The following ZNF131 variants were observed in gnomAD, a reference collection of about 807,000 sequenced individuals.
ZNF131 encodes zinc finger and BTB domain containing 35, also known as zinc finger protein 131.
In ZNF131, 7 loss-of-function variants were observed where a neutral mutation model predicts 60.0. The ratio of observed to expected loss-of-function variants is 0.12; its 90% CI spans 0.07 to 0.22. The LOEUF is 0.22. Among genes scored for constraint, ZNF131 ranks in the 10% least tolerant of loss-of-function variants. ZNF131 has a pLI of 1.00. For synonymous variants in ZNF131, 257 were observed against 253.2 expected (o/e 1.01, Z -0.14); for missense variants, 493 against 740.9 (o/e 0.67, Z 3.88).
At chr5:43,124,901 A>G (rs905471612) in intron 3 of ZNF131, 6 of 152,034 alleles carry the variant, frequency 3.9e-5, no homozygotes, top group African/African-American at 1.4e-4. Flanking sequence ...CTGATGGCAC[A>G]TGCCTGTGGT....
At chr5:43,167,053 T>A (rs1198467189) in intron 5 of ZNF131, among the ~76,000 whole-genome samples, 2 of 152,054 alleles carry the variant, frequency 1.3e-5, no homozygotes, top group Non-Finnish European at 2.9e-5. Flanking sequence ...ATAGAGAGAC[T>A]AGAGGAGAGA....
Position 43,161,270 on chromosome 5 carries a change from C to T in ZNF131, c.393C>T (p.Pro131=). The T allele has an allele frequency of 1.2e-6, 2 of 1,610,244 alleles. No homozygotes were observed. Among genetic ancestry groups the T allele is most frequent in the South Asian group, 2.2e-5 (2 of 90,020 alleles). The change falls in exon 5 of 7, where the codon CCC becomes CCT. Residue 131 remains proline, a synonymous_variant. Coordinates refer to ENST00000682664, the MANE Select transcript of ZNF131 (RefSeq NM_001330707.2). ...LEVRNKENSA[P]LEENTTGKNE... Reference sequence around the variant, plus strand: ...TCAGGAACAAAGAAAACTCAGCTCCCTTAGAGGAAAATACCACAGGAAAAA... The same window carrying T: ...TCAGGAACAAAGAAAACTCAGCTCCTTTAGAGGAAAATACCACAGGAAAAA...
In ZNF131 at chr5:43,174,918, G is replaced by A. The variant is rs1751410316; in HGVS notation, c.1657G>A (p.Val553Met). 2.5e-6 allele frequency: 4 copies of A among 1,614,178 alleles called. No homozygotes were observed. The highest frequency in any genetic ancestry group is 3.4e-6 in the Non-Finnish European group (4 of 1,180,038). The change falls in exon 7 of 7, where the codon GTG becomes ATG. Residue 553 changes from valine (V) to methionine (M), a missense_variant. Physicochemically the swap from Val to Met is conservative, Grantham distance 21. This residue lies in a region of ZNF131 where 202 missense variants were observed against 221.3 expected (regional missense o/e 0.91). Transcript: ENST00000682664. Reference sequence around the variant, plus strand: ...TGTTGAACGGGTCAATCAAATGCCAGTGGAAGTACAAACTGAACTTCTAGA... The same window carrying A: ...TGTTGAACGGGTCAATCAAATGCCAATGGAAGTACAAACTGAACTTCTAGA... ...LHVERVNQMP[V>M]EVQTELLEAD...
chr5:43,128,983 G>T (rs1202571291), intron 3 of ZNF131, among the ~76,000 whole-genome samples: 5 of 152,012 alleles, frequency 3.3e-5, no homozygotes, highest in African/African-American at 1.2e-4. Flanking sequence ...CCAGGTTGGG[G>T]TGCAGTGTGG....
intron 4 of ZNF131, among the ~76,000 whole-genome samples, chr5:43,144,455 C>T (rs961599627): frequency 3.3e-5 from 5 of 151,940 alleles, no homozygotes; most frequent in Non-Finnish European, 5.9e-5. Flanking sequence ...GTCTTGAACT[C>T]CTGACCTCAG....
At chr5:43,171,668 G>C (rs181637373) in intron 5 of ZNF131, among the ~76,000 whole-genome samples, 1 of 152,272 alleles carries the variant, frequency 6.6e-6, no homozygotes, top group African/African-American at 2.4e-5. Context: ...TGTCGCCCAA[G>C]CTAGAGTACA....
intron 3 of ZNF131, among the ~76,000 whole-genome samples, chr5:43,127,001 A>G (rs1489193899): frequency 6.6e-6 from 1 of 150,738 alleles, no homozygotes; most frequent in Non-Finnish European, 1.5e-5. Context: ...TATGTGGGAG[A>G]AAAAAACCAG....
Position 43,148,142 on chromosome 5 carries a change from C to T in ZNF131, c.371+8833C>T, listed in dbSNP as rs1183063983. ...ATCCTAGCACTTTGGGAGGCTAAGG[C>T]GGGAGCATACCTTGATCCCAGGAGT... On this transcript the variant is annotated intron_variant, in intron 4 of 6. Coordinates refer to ENST00000682664, the MANE Select transcript of ZNF131 (RefSeq NM_001330707.2). 3.5e-5 allele frequency among the ~76,000 whole-genome samples: 5 copies of T among 142,732 alleles called. No homozygotes were observed. In the Admixed American group the frequency reaches 3.6e-4, roughly 10 times the overall value. 93.6% of individuals were successfully genotyped at this position (142,732 alleles called of 152,430 possible). A position where few individuals can be genotyped will look rare whatever the true frequency, so the allele number is the denominator to read the frequency against.
At chr5:43,150,108 T>C (rs889214150) in intron 4 of ZNF131, among the ~76,000 whole-genome samples, 3 of 152,178 alleles carry the variant, frequency 2.0e-5, no homozygotes, top group Non-Finnish European at 4.4e-5. Context: ...GGCCTAGGTG[T>C]GTACCGTGCT....
rs765959932 is a variant in ZNF131, at chr5:43,130,263, C to CAAAA, written c.226+6953_226+6954insAAAA. ...TGAGCGATAGAGTAAGACTCTGTCT[C>CAAAA]CAAAAAAAAAAAAAAAAAAGAGGAA... On this transcript the variant is annotated intron_variant, in intron 3 of 6. Transcript: ENST00000682664. 1.7e-3 allele frequency among the ~76,000 whole-genome samples: 56 copies of CAAAA among 33,158 alleles called. 8 individuals carry two copies. Among genetic ancestry groups the CAAAA allele is most frequent in the Non-Finnish European group, 2.3e-3 (46 of 19,594 alleles). The allele number at this position is 33,158 out of a possible 152,430, so 21.8% of individuals were successfully genotyped here.
intron 4 of ZNF131, among the ~76,000 whole-genome samples, chr5:43,157,315 C>T (rs559310537): frequency 1.7e-4 from 26 of 152,186 alleles, no homozygotes; most frequent in Non-Finnish European, 3.1e-4. Context: ...CCATGTGAAC[C>T]GTCCAAAGCT....
intron 4 of ZNF131, among the ~76,000 whole-genome samples, chr5:43,152,837 C>T (rs544664209): frequency 7.9e-5 from 12 of 152,074 alleles, no homozygotes; most frequent in African/African-American, 1.9e-4. Flanking sequence ...CTTAAACTCC[C>T]GGACTCAAGC....
At chr5:43,153,397 G>C (rs571037669) in intron 4 of ZNF131, among the ~76,000 whole-genome samples, 1 of 149,932 alleles carries the variant, frequency 6.7e-6, no homozygotes, top group Admixed American at 6.7e-5. Context: ...GGCTGAGGTG[G>C]GCAGATCACC....
intron 5 of ZNF131, chr5:43,168,046 T>C: frequency 2.4e-6 from 1 of 423,804 alleles, no homozygotes; most frequent in Non-Finnish European, 4.7e-6. Context: ...GAGTTGAGCA[T>C]GCTAGCTCAG....
Position 43,139,204 on chromosome 5 carries a change from C to T in ZNF131, c.266C>T (p.Thr89Ile). 3 of 1,611,714 alleles carry T rather than the reference C, an allele frequency of 1.9e-6. No homozygotes were observed. Among genetic ancestry groups the T allele is most frequent in the South Asian group, 1.1e-5 (1 of 90,606 alleles). Reference protein sequence around the residue: ...KMAFRHLIEFTYTAKLMIQGE... With the variant: ...KMAFRHLIEFIYTAKLMIQGE... ...GCCTTTCGCCATTTAATTGAGTTCACATATACAGCAAAATTAATGATACAA... is the reference window on the plus strand; with the variant it reads ...GCCTTTCGCCATTTAATTGAGTTCATATATACAGCAAAATTAATGATACAA... Residue 89 changes from threonine to isoleucine, a missense_variant, in exon 4 of 7, where the codon ACA (threonine) becomes ATA (isoleucine). Physicochemically the swap from Thr to Ile is moderately conservative, Grantham distance 89 (BLOSUM62 -1). Coordinates refer to ENST00000682664, the MANE Select transcript of ZNF131 (RefSeq NM_001330707.2).
intron 5 of ZNF131, among the ~76,000 whole-genome samples, chr5:43,171,679 G>A (rs1399242793): frequency 1.3e-5 from 2 of 152,186 alleles, no homozygotes; most frequent in Non-Finnish European, 2.9e-5. Flanking sequence ...CTAGAGTACA[G>A]TGGTGTGATC....
intron 4 of ZNF131, among the ~76,000 whole-genome samples, chr5:43,148,043 CT>C (rs55979930): frequency 0.2 from 24,502 of 123,604 alleles, 2,335 homozygotes; most frequent in Middle Eastern, 0.33. Context: ...GACAAGAGTG[CT>C]TTTTTTTTTT....
At chr5:43,128,170 G>A (rs757122980) in intron 3 of ZNF131, among the ~76,000 whole-genome samples, 45 of 152,280 alleles carry the variant, frequency 3.0e-4, no homozygotes, top group Middle Eastern at 3.4e-3. Flanking sequence ...TGTATTCTGC[G>A]CACTTCTGTT....
intron 3 of ZNF131, among the ~76,000 whole-genome samples, chr5:43,132,705 G>A (rs190362787): frequency 7.9e-4 from 120 of 152,084 alleles, no homozygotes; most frequent in Non-Finnish European, 1.3e-3. Context: ...CAGAGATGGC[G>A]TTTCACCATG....
Sources: gnomAD v4.1 joint callset for allele counts (sites outside exome capture counted in the v4.1 genomes callset) on GRCh38, gnomAD v4.1.1 for gene constraint, gnomAD v4.1.1 regional missense constraint, MANE v1.5 for transcripts, NCBI Gene and HGNC (gene_info 2026-07-23, HGNC 2026-07-21) for gene names.